PSD3: variants seen among roughly 807,000 people sequenced by gnomAD.
PSD3 encodes the protein PH and SEC7 domain-containing protein 3.
PSD3 carries 49 observed loss-of-function variants against 105.5 expected under a neutral mutation model. That is an observed-to-expected ratio of 0.46 (90% CI 0.37 to 0.59). The LOEUF (loss-of-function observed/expected upper bound fraction) is 0.59. PSD3 is among the 20% of genes least tolerant of loss of function. The pLI is 0.00. For synonymous variants in PSD3, 557 were observed against 457.8 expected (o/e 1.22, Z -2.77); for missense variants, 1,561 against 1,263.8 (o/e 1.24, Z -3.57).
At chr8:18,718,774 T>C (rs1430575391) in intron 9 of PSD3, among the ~76,000 whole-genome samples, 1 of 152,148 alleles carries the variant, frequency 6.6e-6, no homozygotes, top group African/African-American at 2.4e-5. Context: ...AAGGAAATTT[T>C]ATAATTTAGA....
intron 2 of PSD3, among the ~76,000 whole-genome samples, chr8:18,881,397 C>A (rs977583054): frequency 2.0e-5 from 3 of 152,084 alleles, no homozygotes; most frequent in Non-Finnish European, 2.9e-5. Context: ...TGCAGAAAAA[C>A]CAGGGTCTTT....
At chr8:18,607,495 G>GT (rs1215977897) in intron 11 of PSD3, among the ~76,000 whole-genome samples, 1 of 152,000 alleles carries the variant, frequency 6.6e-6, no homozygotes, top group Non-Finnish European at 1.5e-5. Context: ...GGCAGCACTT[G>GT]TTTCTCCATA....
chr8:18,993,496 T>C (rs969432444), intron 1 of PSD3, among the ~76,000 whole-genome samples: 2 of 152,018 alleles, frequency 1.3e-5, no homozygotes, highest in African/African-American at 4.8e-5. Flanking sequence ...TTAAATAAGA[T>C]AATGAGTGTA....
chr8:19,073,587 A>G (rs1829346296), intron 1 of PSD3, among the ~76,000 whole-genome samples: 1 of 139,960 alleles, frequency 7.1e-6, no homozygotes, highest in Non-Finnish European at 1.5e-5. Flanking sequence ...AAAAAAAGAT[A>G]GGCCTAAGAG....
At chr8:18,708,067 A>G (rs1410689411) in intron 9 of PSD3, among the ~76,000 whole-genome samples, 1 of 152,232 alleles carries the variant, frequency 6.6e-6, no homozygotes, top group East Asian at 1.9e-4. Context: ...TTTATTCACA[A>G]TCTCGGCAGA....
chr8:18,912,455 TTC>T (rs1397081093), intron 2 of PSD3, among the ~76,000 whole-genome samples: 1 of 151,380 alleles, frequency 6.6e-6, no homozygotes, highest in Non-Finnish European at 1.5e-5. Flanking sequence ...GTACTTAAAT[TTC>T]TTTCTAAGCT....
intron 8 of PSD3, among the ~76,000 whole-genome samples, chr8:18,785,265 T>G (rs1366345331): frequency 6.6e-6 from 1 of 152,220 alleles, no homozygotes; most frequent in Non-Finnish European, 1.5e-5. Context: ...TCTTCCTTGT[T>G]TCTAGGAAAA....
chr8:18,548,374 C>A (rs1022913075), intron 15 of PSD3, among the ~76,000 whole-genome samples: 1 of 152,028 alleles, frequency 6.6e-6, no homozygotes, highest in Non-Finnish European at 1.5e-5. Context: ...TTGATTTTTA[C>A]AGGATTGTGT....
intron 9 of PSD3, among the ~76,000 whole-genome samples, chr8:18,716,702 C>G (rs1802621527): frequency 6.6e-6 from 1 of 152,158 alleles, no homozygotes; most frequent in Non-Finnish European, 1.5e-5. Flanking sequence ...TTCTGAATAA[C>G]CTTTCTTAAT....
At chr8:18,824,211 A>G (rs554718969) in intron 4 of PSD3, among the ~76,000 whole-genome samples, 2 of 152,206 alleles carry the variant, frequency 1.3e-5, no homozygotes, top group Admixed American at 6.5e-5. Flanking sequence ...GACCCAGGCT[A>G]TGTCAATTTT....
At chr8:18,870,060 G>A (rs1054116444) in intron 3 of PSD3, among the ~76,000 whole-genome samples, 1 of 152,142 alleles carries the variant, frequency 6.6e-6, no homozygotes, top group Non-Finnish European at 1.5e-5. Flanking sequence ...TATCAAGGCC[G>A]CTTTGGAGGG....
At chr8:18,775,324 G>C (rs751910715) in intron 8 of PSD3, among the ~76,000 whole-genome samples, 1 of 152,144 alleles carries the variant, frequency 6.6e-6, no homozygotes, top group South Asian at 2.1e-4. Flanking sequence ...AATAAACATG[G>C]GAGTGCAGAC....
intron 9 of PSD3, among the ~76,000 whole-genome samples, chr8:18,680,626 C>T (rs1005880656): frequency 6.6e-6 from 1 of 151,990 alleles, no homozygotes; most frequent in Non-Finnish European, 1.5e-5. Flanking sequence ...GAGGTTGATA[C>T]AAACATTATT....
chr8:18,653,221 T>C (rs2130844018), intron 10 of PSD3, among the ~76,000 whole-genome samples: 1 of 152,324 alleles, frequency 6.6e-6, no homozygotes. Flanking sequence ...AAAAAATACT[T>C]GTGATCATTT....
At chr8:18,849,677 A>T (rs1198232567) in intron 4 of PSD3, 1 of 152,212 alleles carries the variant, frequency 6.6e-6, no homozygotes, top group African/African-American at 2.4e-5. Flanking sequence ...CAGCCATGCC[A>T]TCTATTGGAA....
At position 18,689,242 on chromosome 8, in the gene PSD3, G is replaced by C. The variant is rs57868868; in HGVS notation, c.2173-33557C>G. 6.6e-3 allele frequency among the ~76,000 whole-genome samples: 1,009 copies of C among 152,218 alleles called. 13 individuals are homozygous for C. Among genetic ancestry groups the C allele is most frequent in the African/African-American group, 0.023 (970 of 41,530 alleles). On this transcript the variant is annotated intron_variant, in intron 9 of 15. Transcript: ENST00000327040. ...CTTTGAGCAGCTCACATTCAGTCGG[G>C]GGTAGGAGGTAGAGAGAACAAGAAA...
intron 1 of PSD3, among the ~76,000 whole-genome samples, chr8:18,969,774 AT>A (rs1486532175): frequency 2.0e-5 from 3 of 152,196 alleles, no homozygotes; most frequent in Non-Finnish European, 4.4e-5. Context: ...AAGTCCAAAA[AT>A]TCTAGTCACG....
intron 2 of PSD3, among the ~76,000 whole-genome samples, chr8:18,881,827 A>G (rs1455523154): frequency 8.5e-5 from 13 of 152,234 alleles, no homozygotes; most frequent in Non-Finnish European, 1.9e-4. Context: ...ATATCTCCAG[A>G]GCCTATAACA....
At chr8:19,008,287 A>G (rs898684212) in intron 1 of PSD3, among the ~76,000 whole-genome samples, 1 of 152,228 alleles carries the variant, frequency 6.6e-6, no homozygotes, top group African/African-American at 2.4e-5. Context: ...TTTCAGATGC[A>G]AGAAATATCT....
Sources: allele counts gnomAD v4.1 joint callset (sites outside exome capture counted in the v4.1 genomes callset), GRCh38; gene constraint gnomAD v4.1.1; transcripts MANE v1.5; gene names NCBI Gene and HGNC (gene_info 2026-07-23, HGNC 2026-07-21).